NAT8L: variants seen among roughly 807,000 people sequenced by gnomAD.
The protein encoded by NAT8L is aspartate N-acetyltransferase.
In NAT8L, 6 loss-of-function variants were observed where a neutral mutation model predicts 21.2. The ratio of observed to expected loss-of-function variants is 0.28; its 90% CI spans 0.16 to 0.56. The LOEUF is 0.56. Ranked by LOEUF, NAT8L falls within the 20% of genes least tolerant of loss-of-function variation. NAT8L has a pLI of 0.93. For missense variants in NAT8L, 331 were observed against 433.3 expected, an observed-to-expected ratio of 0.76 and a Z score of 2.10; for synonymous variants, 239 against 204.9, an observed-to-expected ratio of 1.17 and a Z score of -1.42.
Position 2,063,926 on chromosome 4 carries a change from C to T in NAT8L, c.708C>T (p.Ala236=), listed in dbSNP as rs148954546. ...TGGGCCGGAAGGTGCTGGAGTTCGC[C>T]GTGGTGCACAACTACTCCGCGGTGG... ...KALGRKVLEF[A]VVHNYSAVVL... The change falls in exon 3 of 3, where the codon GCC becomes GCT. Residue 236 remains alanine (A), a synonymous_variant. Coordinates refer to ENST00000423729, the MANE Select transcript of NAT8L (RefSeq NM_178557.4). 49 of 1,612,144 alleles carry T rather than the reference C, an allele frequency of 3.0e-5. No homozygotes were observed. The highest frequency in any genetic ancestry group is 7.7e-5 in the South Asian group (7 of 91,068).
At chr4:2,063,736 C>T (rs919661559) in intron 2 of NAT8L, 24 bp from the exon 3 acceptor site, 32 of 1,608,598 alleles carry the variant, frequency 2.0e-5, no homozygotes, top group African/African-American at 4.0e-5. Flanking sequence ...CACCGGGTGT[C>T]CCTGACCGCC....
In NAT8L at chr4:2,062,002, C is replaced by T. The variant is rs1729903167; in HGVS notation, c.541+840C>T. On this transcript the variant is annotated intron_variant, in intron 2 of 2. Coordinates refer to ENST00000423729, the MANE Select transcript of NAT8L (RefSeq NM_178557.4). ...TGCCTGCTGCTCTCCCTGACCCTTT[C>T]CTAAACCCAAACAGAGCATCTGAGC... 2.0e-5 allele frequency among the ~76,000 whole-genome samples: 3 copies of T among 152,224 alleles called. No individual in the cohort carries two copies. In the South Asian group the frequency reaches 6.2e-4, roughly 32 times the overall value.
chr4:2,063,577 C>G (rs1240748061), intron 2 of NAT8L, among the ~76,000 whole-genome samples, 183 bp from the exon 3 acceptor site: 1 of 152,210 alleles, frequency 6.6e-6, no homozygotes, highest in East Asian at 1.9e-4. Context: ...GTGGCTGCCC[C>G]CTCCCTTGGC....
In NAT8L at chr4:2,065,086, C is replaced by T. The variant is rs1729970564; in HGVS notation, c.*959C>T. ...CTAATAAGTTATTTAGACAGAATAG[C>T]ACTCTGCATGACTTTAATTCTTGGG... On this transcript the variant is annotated 3_prime_UTR_variant, in exon 3 of 3. Coordinates refer to ENST00000423729, the MANE Select transcript of NAT8L (RefSeq NM_178557.4). The T allele has an allele frequency of 1.3e-5, 2 of 152,562 alleles. No homozygotes were observed. The highest frequency in any genetic ancestry group is 2.1e-4 in the South Asian group (1 of 4,836). The allele number at this position is 152,562 out of a possible 1,614,324, so 9.5% of individuals were successfully genotyped here.
chr4:2,060,918 C>T lies in NAT8L; in HGVS notation c.377-80C>T. 1 of 715,402 alleles carries T rather than the reference C, an allele frequency of 1.4e-6. No individual in the cohort carries two copies. The highest frequency in any genetic ancestry group is 2.2e-6 in the Non-Finnish European group (1 of 464,094). 44.3% of individuals were successfully genotyped at this position (715,402 alleles called of 1,614,324 possible). On this transcript the variant is annotated intron_variant, in intron 1 of 2. Transcript: ENST00000423729. This position sits in a 1 kb window ranked among gnomAD's most constrained non-coding sequence, Gnocchi z 4.7. ...CAGGAGCGCGGCCGGGCGCGGCGTC[C>T]CTAGCGGGCTTCGCCGGGGTGGCGT... is the stretch of plus-strand genomic sequence containing the variant.
rs143316896 is a variant in NAT8L, at chr4:2,062,179, G to A, written c.541+1017G>A. 3.0e-4 allele frequency among the ~76,000 whole-genome samples: 45 copies of A among 152,300 alleles called. No homozygotes were observed. The East Asian group carries it at 7.5e-3, about 25-fold the overall frequency. On this transcript the variant is annotated intron_variant, in intron 2 of 2. Transcript: ENST00000423729. ...CTCCCTGGTGTGAGGGAGTGGAGGG[G>A]TAGCTGGCAGGGCTGCAGGAACACC...
At chr4:2,061,673 CCTT>C (rs2108680187) in intron 2 of NAT8L, among the ~76,000 whole-genome samples, 1 of 152,192 alleles carries the variant, frequency 6.6e-6, no homozygotes, top group African/African-American at 2.4e-5. Flanking sequence ...GCCTCTGTGG[CCTT>C]CTATAGCTGG....
rs1553890057 is a variant in NAT8L at position 2,060,614 on chromosome 4, A to ACCCCCCTTCCTCCT, written c.377-376_377-363dup. Among the ~76,000 whole-genome samples the ACCCCCCTTCCTCCT allele has an allele frequency of 6.7e-6, 1 of 148,596 alleles. No individual in the cohort carries two copies. Among genetic ancestry groups the ACCCCCCTTCCTCCT allele is most frequent in the Non-Finnish European group, 1.5e-5 (1 of 67,104 alleles). On this transcript the variant is annotated intron_variant, in intron 1 of 2. Coordinates refer to ENST00000423729, the MANE Select transcript of NAT8L (RefSeq NM_178557.4). The surrounding 1 kb of genome is among the most constrained non-coding windows in gnomAD (Gnocchi z 4.7). ...GGAGCCCGAGGCTGGAACGTGGGAC[A>ACCCCCCTTCCTCCT]CCCCCCTTCCTCCTCCCCCCTCCCC...
At chr4:2,061,337 G>A (rs1174430157) in intron 2 of NAT8L, among the ~76,000 whole-genome samples, 175 bp downstream of exon 2, 3 of 152,250 alleles carry the variant, frequency 2.0e-5, no homozygotes, top group Non-Finnish European at 4.4e-5. Flanking sequence ...CGGGGCTGGG[G>A]GAGGCACGGC....
At chr4:2,062,058 G>T (rs1387465479) in intron 2 of NAT8L, among the ~76,000 whole-genome samples, 2 of 152,200 alleles carry the variant, frequency 1.3e-5, no homozygotes, top group Non-Finnish European at 2.9e-5. Flanking sequence ...CCTCTGCTTG[G>T]GAGGGGAAAC....
Position 2,060,529 on chromosome 4 carries a change from A to G in NAT8L, c.377-469A>G, listed in dbSNP as rs1729833048. On this transcript the variant is annotated intron_variant, in intron 1 of 2. Transcript: ENST00000423729. This position sits in a 1 kb window ranked among gnomAD's most constrained non-coding sequence, Gnocchi z 4.7. Reference sequence around the variant, plus strand: ...GCCTCCCTGCCCTGTCCCTGCCCTCAGAGCTCCCGGACGCTGGCCAGGAAG... The same window carrying G: ...GCCTCCCTGCCCTGTCCCTGCCCTCGGAGCTCCCGGACGCTGGCCAGGAAG... Among the ~76,000 whole-genome samples, 1 of 152,150 alleles carries G rather than the reference A, an allele frequency of 6.6e-6. No individual in the cohort carries two copies. Among genetic ancestry groups the G allele is most frequent in the Non-Finnish European group, 1.5e-5 (1 of 68,018 alleles).
Position 2,065,111 on chromosome 4 carries a change from G to A in NAT8L, c.*984G>A, listed in dbSNP as rs1360888880. 6.6e-6 allele frequency: 1 copy of A among 152,460 alleles called. No homozygotes were observed. The highest frequency in any genetic ancestry group is 1.5e-5 in the Non-Finnish European group (1 of 68,062). 9.4% of individuals were successfully genotyped at this position (152,460 alleles called of 1,614,324 possible). A position where few individuals can be genotyped will look rare whatever the true frequency, so the allele number is the denominator to read the frequency against. On this transcript the variant is annotated 3_prime_UTR_variant, in exon 3 of 3. Transcript: ENST00000423729. ...CACTCTGCATGACTTTAATTCTTGG[G>A]ACAAAACGGTAGTTTGTACCCTAAG... is the stretch of plus-strand genomic sequence containing the variant.
At position 2,060,541 on chromosome 4, in the gene NAT8L, C is replaced by T. The variant is rs1384414931; in HGVS notation, c.377-457C>T. Among the ~76,000 whole-genome samples, 1 of 152,160 alleles carries T rather than the reference C, an allele frequency of 6.6e-6. No individual in the cohort carries two copies. On this transcript the variant is annotated intron_variant, in intron 1 of 2. Transcript: ENST00000423729. The surrounding 1 kb of genome is among the most constrained non-coding windows in gnomAD (Gnocchi z 4.7). Reference sequence around the variant, plus strand: ...TGTCCCTGCCCTCAGAGCTCCCGGACGCTGGCCAGGAAGGGCTCTTGCTGG... The same window carrying T: ...TGTCCCTGCCCTCAGAGCTCCCGGATGCTGGCCAGGAAGGGCTCTTGCTGG...
At chr4:2,062,671 C>T (rs554799770) in intron 2 of NAT8L, among the ~76,000 whole-genome samples, 32 of 152,208 alleles carry the variant, frequency 2.1e-4, no homozygotes, top group African/African-American at 7.5e-4. Flanking sequence ...TAGCTGCCTG[C>T]CAGGCCTCAG....
chr4:2,061,664 C>T (rs1300606139), intron 2 of NAT8L, among the ~76,000 whole-genome samples: 1 of 152,118 alleles, frequency 6.6e-6, no homozygotes, highest in Non-Finnish European at 1.5e-5. Context: ...TTTGTCCCAG[C>T]CTCTGTGGCC....
At chr4:2,063,614 G>T in intron 2 of NAT8L, 146 bp from the exon 3 acceptor site, 1 of 1,460,488 alleles carries the variant, frequency 6.8e-7, no homozygotes, top group Non-Finnish European at 9.4e-7. Flanking sequence ...GCTAGGCCCC[G>T]GGGGCTGCCG....
Position 2,060,019 on chromosome 4 carries a change from C to A in NAT8L, c.376+132C>A. On this transcript the variant is annotated intron_variant, in intron 1 of 2. Coordinates refer to ENST00000423729, the MANE Select transcript of NAT8L (RefSeq NM_178557.4). This position sits in a 1 kb window ranked among gnomAD's most constrained non-coding sequence, Gnocchi z 4.7. ...GGAAGCCCCCCGCTTTCTGCCGCGC[C>A]GGGCCCCGCGCAGGGCTGGCTATGG... 1 of 430,578 alleles carries A rather than the reference C, an allele frequency of 2.3e-6. No individual in the cohort carries two copies. Among genetic ancestry groups the A allele is most frequent in the Non-Finnish European group, 3.4e-6 (1 of 296,830 alleles). The allele number at this position is 430,578 out of a possible 1,614,324, so 26.7% of individuals were successfully genotyped here. A position where few individuals can be genotyped will look rare whatever the true frequency, so the allele number is the denominator to read the frequency against.
At position 2,064,155 on chromosome 4, in the gene NAT8L, C is replaced by G. The variant is rs749808365; in HGVS notation, c.*28C>G. ...GCCGCCGCTCGCCCGCCCGCCCCCC[C>G]GGCCGCCCTGTCCGCCTTTGCCCGC... On this transcript the variant is annotated 3_prime_UTR_variant, in exon 3 of 3. Coordinates refer to ENST00000423729, the MANE Select transcript of NAT8L (RefSeq NM_178557.4). 1 of 1,484,360 alleles carries G rather than the reference C, an allele frequency of 6.7e-7. No individual in the cohort carries two copies. The allele number at this position is 1,484,360 out of a possible 1,614,324, so 91.9% of individuals were successfully genotyped here.
In NAT8L at chr4:2,068,146, G is replaced by A. The variant is rs1182259132; in HGVS notation, c.*4019G>A. ...TTTGAGCGTGTGTGTGTGTGCAAGT[G>A]GGTTCTTGGATATGTGTAGTGTGAG... On this transcript the variant is annotated 3_prime_UTR_variant, in exon 3 of 3. Transcript: ENST00000423729. 1 of 152,270 alleles carries A rather than the reference G, an allele frequency of 6.6e-6. No homozygotes were observed. Among genetic ancestry groups the A allele is most frequent in the Non-Finnish European group, 1.5e-5 (1 of 68,070 alleles). The allele number at this position is 152,270 out of a possible 1,614,324, so 9.4% of individuals were successfully genotyped here.
Sources: gnomAD v4.1 joint callset for allele counts (sites outside exome capture counted in the v4.1 genomes callset) on GRCh38, gnomAD v4.1.1 for gene constraint, Gnocchi (gnomAD v3.1) non-coding constraint, MANE v1.5 for transcripts, NCBI Gene and HGNC (gene_info 2026-07-23, HGNC 2026-07-21) for gene names.